DOCK10: variants seen among roughly 807,000 people sequenced by gnomAD.
DOCK10 encodes dedicator of cytokinesis protein 10.
A neutral mutation model predicts 280.1 loss-of-function variants in DOCK10; 145 were observed. The ratio of observed to expected loss-of-function variants is 0.52; its 90% CI spans 0.45 to 0.59. The LOEUF is 0.59. Among genes scored for constraint, DOCK10 ranks in the 20% least tolerant of loss-of-function variants. The probability of loss-of-function intolerance (pLI) is 0.00; values close to 1 mark genes in which losing one functional copy is unlikely to be tolerated. For synonymous variants in DOCK10, 915 were observed against 942.2 expected (o/e 0.97, Z 0.53); for missense variants, 2,368 against 2,651.7 (o/e 0.89, Z 2.35).
Position 224,840,010 on chromosome 2 carries a change from C to G in DOCK10, c.2724G>C (p.Gln908His). Residue 908 changes from glutamine (Q) to histidine (H), a missense_variant, in exon 24 of 56, where the codon CAG (glutamine) becomes CAC (histidine). Physicochemically the swap from Gln to His is conservative, Grantham distance 24 (BLOSUM62 0). This residue lies in a region of DOCK10 where 1,209 missense variants were observed against 1,250.9 expected (regional missense o/e 0.97). Coordinates refer to ENST00000258390, the MANE Select transcript of DOCK10 (RefSeq NM_014689.3). The stretch of plus-strand genomic sequence containing the variant: ...CATTCTGTACCAGAACTTTGAAGAG[C>G]TGATTCAAAATTATAGGCAGAAAAC... Reference protein sequence around the residue: ...IMSFLPIILNQLFKVLVQNEE... With the variant: ...IMSFLPIILNHLFKVLVQNEE... 1 of 1,565,492 alleles carries G rather than the reference C, an allele frequency of 6.4e-7. No individual in the cohort carries two copies. The highest frequency in any genetic ancestry group is 2.3e-5 in the East Asian group (1 of 43,362).
chr2:224,951,517 C>T (rs1313153975), intron 1 of DOCK10, among the ~76,000 whole-genome samples: 5 of 152,170 alleles, frequency 3.3e-5, no homozygotes, highest in Non-Finnish European at 7.3e-5. Context: ...TAAGATGGGA[C>T]ACTTAACCAT....
chr2:224,905,311 G>A (rs1054113988), intron 3 of DOCK10, among the ~76,000 whole-genome samples: 1 of 145,428 alleles, frequency 6.9e-6, no homozygotes, highest in African/African-American at 2.7e-5. Flanking sequence ...GCAGCGGCGC[G>A]ATCTCGGCTC....
chr2:224,832,022 C>T (rs16866205), intron 26 of DOCK10, among the ~76,000 whole-genome samples: 196 of 152,070 alleles, frequency 1.3e-3, no homozygotes, highest in African/African-American at 4.5e-3. Flanking sequence ...GGATGGGCAC[C>T]CTTCTTTCTT....
Position 224,765,100 on chromosome 2 carries a change from CTG to C in DOCK10, c.*619_*620del, listed in dbSNP as rs575102413. 140 of 152,748 alleles carry C rather than the reference CTG, an allele frequency of 9.2e-4. No individual in the cohort carries two copies. Among genetic ancestry groups the C allele is most frequent in the African/African-American group, 3.2e-3 (131 of 41,574 alleles). 9.5% of individuals were successfully genotyped at this position (152,748 alleles called of 1,614,324 possible). On this transcript the variant is annotated 3_prime_UTR_variant, in exon 56 of 56. Transcript: ENST00000258390. ...CAACAGGAAACCAAATGCAAAGTAA[CTG>C]TGTTTTTTATTTCTATGAACAATAA... is the stretch of plus-strand genomic sequence containing the variant.
At chr2:224,778,554 A>G (rs914042607) in intron 50 of DOCK10, 3 of 456,274 alleles carry the variant, frequency 6.6e-6, no homozygotes, top group African/African-American at 6.0e-5. Flanking sequence ...CTATTTGTAG[A>G]ACTCAATGGT....
At chr2:224,943,124 C>T (rs1382862189) in intron 1 of DOCK10, among the ~76,000 whole-genome samples, 2 of 152,124 alleles carry the variant, frequency 1.3e-5, no homozygotes, top group African/African-American at 4.8e-5. Context: ...CAGACCACCA[C>T]ACACATTTCA....
intron 11 of DOCK10, among the ~76,000 whole-genome samples, chr2:224,871,378 C>T (rs991907693): frequency 6.6e-6 from 1 of 152,142 alleles, no homozygotes; most frequent in Admixed American, 6.5e-5. Flanking sequence ...GCCCAATTTA[C>T]AAAACACCAG....
chr2:224,855,161 G>A (rs559156078), intron 15 of DOCK10, 119 bp from the exon 16 acceptor site: 1 of 542,626 alleles, frequency 1.8e-6, no homozygotes, highest in African/African-American at 2.0e-5. Context: ...CTTTGTTAAG[G>A]GTAAACAGCA....
chr2:224,771,261 C>T (rs1359076074), intron 53 of DOCK10, among the ~76,000 whole-genome samples: 3 of 152,308 alleles, frequency 2.0e-5, no homozygotes, highest in South Asian at 2.1e-4. Context: ...GTTTTCTTAA[C>T]AGCTTTTAAA....
rs1371443393 is a variant in DOCK10 at position 224,840,153 on chromosome 2, A to G, written c.2662-81T>C. On this transcript the variant is annotated intron_variant, in intron 23 of 55. Transcript: ENST00000258390. ...ATTCAAGACCTGAAACTATAAATCTATGAGAAGAAAACATAAGGAGAAAAA... is the reference window on the plus strand; with the variant it reads ...ATTCAAGACCTGAAACTATAAATCTGTGAGAAGAAAACATAAGGAGAAAAA... 9 of 644,590 alleles carry G rather than the reference A, an allele frequency of 1.4e-5. No individual in the cohort carries two copies. In the East Asian group the frequency reaches 2.5e-4, roughly 18 times the overall value. 39.9% of individuals were successfully genotyped at this position (644,590 alleles called of 1,614,324 possible).
In DOCK10 at chr2:224,765,660, C is replaced by T; in HGVS notation, c.*61G>A. 8 of 1,191,614 alleles carry T rather than the reference C, an allele frequency of 6.7e-6. No individual in the cohort carries two copies. In the South Asian group the frequency reaches 1.1e-4, roughly 16 times the overall value. 73.8% of individuals were successfully genotyped at this position (1,191,614 alleles called of 1,614,324 possible). A position where few individuals can be genotyped will look rare whatever the true frequency, so the allele number is the denominator to read the frequency against. The stretch of plus-strand genomic sequence containing the variant: ...ATAAATTAAACCTATCTTTCTCTTC[C>T]CCGAGATTAGCTGCAAATTCAGAAA... On this transcript the variant is annotated 3_prime_UTR_variant, in exon 56 of 56. Coordinates refer to ENST00000258390, the MANE Select transcript of DOCK10 (RefSeq NM_014689.3).
chr2:224,878,739 C>A (rs1379693184), intron 7 of DOCK10, among the ~76,000 whole-genome samples: 2 of 152,322 alleles, frequency 1.3e-5, no homozygotes, highest in East Asian at 1.9e-4. Context: ...AGGATGAGCC[C>A]TTTGCTCCTG....
intron 3 of DOCK10, among the ~76,000 whole-genome samples, chr2:224,897,084 T>C (rs913445575): frequency 3.9e-5 from 6 of 152,198 alleles, no homozygotes; most frequent in Non-Finnish European, 8.8e-5. Flanking sequence ...ATTATTTATA[T>C]AAGAGCCTTT....
intron 1 of DOCK10, among the ~76,000 whole-genome samples, chr2:224,953,058 A>G (rs1703853158): frequency 9.9e-6 from 1 of 101,476 alleles, no homozygotes; most frequent in African/African-American, 3.3e-5. Context: ...AAGTACCATT[A>G]GGAATTTAGA....
chr2:224,794,907 A>G lies in DOCK10; in HGVS notation c.5126T>C (p.Ile1709Thr). ...AGATAAATCTCCGTTTCTGGCATGA[A>G]TCTTGGCCATACTTTCCAGCCAGGT... The part of the protein sequence containing the change: ...RRTWLESMAK[I>T]HARNGDLSEA... Residue 1709 changes from isoleucine (I) to threonine (T), a missense_variant, in exon 45 of 56, where the codon ATT (isoleucine) becomes ACT (threonine). By Grantham distance (89) the Ile-to-Thr change is moderately conservative. This residue lies in a region of DOCK10 where 1,159 missense variants were observed against 1,400.8 expected (regional missense o/e 0.83). Coordinates refer to ENST00000258390, the MANE Select transcript of DOCK10 (RefSeq NM_014689.3). 1.2e-6 allele frequency: 2 copies of G among 1,613,902 alleles called. No individual in the cohort carries two copies. Among genetic ancestry groups the G allele is most frequent in the South Asian group, 1.1e-5 (1 of 91,076 alleles).
chr2:224,765,901 A>G, intron 55 of DOCK10, 64 bp from the exon 56 acceptor site: 1 of 1,253,658 alleles, frequency 8.0e-7, no homozygotes, highest in South Asian at 1.4e-5. Flanking sequence ...CCCAAACACA[A>G]AATTAAAACC....
Position 224,877,945 on chromosome 2 carries a change from A to G in DOCK10, c.748-1724T>C, listed in dbSNP as rs76671058. ...CCAGCTTTTATCAATATGTTCTAAA[A>G]CCTGTAGCTTACTCATAATTGTAAT... is the stretch of plus-strand genomic sequence containing the variant. On this transcript the variant is annotated intron_variant, in intron 7 of 55. Coordinates refer to ENST00000258390, the MANE Select transcript of DOCK10 (RefSeq NM_014689.3). Among the ~76,000 whole-genome samples the G allele has an allele frequency of 8.7e-3, 1,331 of 152,258 alleles. 15 individuals are homozygous for G. The highest frequency in any genetic ancestry group is 0.029 in the African/African-American group (1,210 of 41,556).
chr2:224,948,287 C>T (rs955757149), intron 1 of DOCK10, among the ~76,000 whole-genome samples: 1 of 152,142 alleles, frequency 6.6e-6, no homozygotes, highest in Non-Finnish European at 1.5e-5. Context: ...TCTTTTGAAA[C>T]CAATCAGAAA....
At chr2:224,979,999 A>AATG (rs1242811026) in intron 1 of DOCK10, among the ~76,000 whole-genome samples, 3 of 152,100 alleles carry the variant, frequency 2.0e-5, no homozygotes, top group Non-Finnish European at 2.9e-5. Context: ...CTTGGTGACT[A>AATG]ATGGGCAGTG....
Sources: gnomAD v4.1 joint callset for allele counts (sites outside exome capture counted in the v4.1 genomes callset) on GRCh38, gnomAD v4.1.1 for gene constraint, gnomAD v4.1.1 regional missense constraint, MANE v1.5 for transcripts, NCBI Gene and HGNC (gene_info 2026-07-23, HGNC 2026-07-21) for gene names.